PCDH15: variants seen among roughly 807,000 people sequenced by gnomAD.
PCDH15 encodes the protein protocadherin-15.
A neutral mutation model predicts 178.5 loss-of-function variants in PCDH15; 129 were observed. The ratio of observed to expected loss-of-function variants is 0.72; its 90% CI spans 0.63 to 0.84. The LOEUF (loss-of-function observed/expected upper bound fraction) is 0.84. Ranked by LOEUF, PCDH15 falls within the 40% of genes least tolerant of loss-of-function variation. The pLI is 0.00. For synonymous variants in PCDH15, 800 were observed against 732.0 expected, an observed-to-expected ratio of 1.09 and a Z score of -1.50; for missense variants, 2,230 against 2,099.9, an observed-to-expected ratio of 1.06 and a Z score of -1.21.
At chr10:54,644,327 T>C (rs1178833792) in intron 2 of PCDH15, among the ~76,000 whole-genome samples, 8 of 149,796 alleles carry the variant, frequency 5.3e-5, no homozygotes, top group African/African-American at 2.0e-4. Flanking sequence ...CCTACAATCA[T>C]AGACTGGGTT....
intron 1 of PCDH15, among the ~76,000 whole-genome samples, chr10:55,264,682 T>C (rs1278894219): frequency 6.6e-6 from 1 of 152,062 alleles, no homozygotes; most frequent in Non-Finnish European, 1.5e-5. Context: ...TCCTCCGGAG[T>C]GTGTCCTGAA....
At chr10:55,573,178 G>C (rs2132111952) in intron 2 of PCDH15, among the ~76,000 whole-genome samples, 1 of 152,168 alleles carries the variant, frequency 6.6e-6, no homozygotes, top group Admixed American at 6.6e-5. Context: ...TTCTTTGTAA[G>C]TGAAAAGGAG....
intron 2 of PCDH15, among the ~76,000 whole-genome samples, chr10:55,548,248 AC>A (rs1455582819): frequency 1.3e-5 from 2 of 150,292 alleles, no homozygotes; most frequent in African/African-American, 2.5e-5. Flanking sequence ...ACACACACAC[AC>A]ACACAAACAT....
At chr10:55,329,438 A>G (rs1233219612) in intron 2 of PCDH15, among the ~76,000 whole-genome samples, 1 of 151,744 alleles carries the variant, frequency 6.6e-6, no homozygotes, top group African/African-American at 2.4e-5. Context: ...GTCCTCAATA[A>G]TTTTAAGAGA....
intron 2 of PCDH15, among the ~76,000 whole-genome samples, chr10:54,638,296 TACAATCTAGTAAAC>T (rs951985703): frequency 1.3e-5 from 2 of 152,098 alleles, no homozygotes; most frequent in Non-Finnish European, 2.9e-5. Context: ...TTTATTTGAT[TACAATCTAGTAAAC>T]AAGTTAAAGA....
chr10:54,107,297 A>T (rs1377521184), intron 15 of PCDH15, among the ~76,000 whole-genome samples: 1 of 152,184 alleles, frequency 6.6e-6, no homozygotes, highest in Non-Finnish European at 1.5e-5. Flanking sequence ...TAGTGTCATA[A>T]ATATATGTAT....
At chr10:55,182,883 A>G (rs1210036469) in intron 1 of PCDH15, among the ~76,000 whole-genome samples, 1 of 151,940 alleles carries the variant, frequency 6.6e-6, no homozygotes, top group Non-Finnish European at 1.5e-5. Context: ...AAAGAAACTG[A>G]AGGATATTTA....
chr10:53,888,282 C>CTATATATATATATATATATATATATA lies in PCDH15; in HGVS notation c.3501+14960_3501+14961insTATATATATATATATATATATATATA, dbSNP rs201647527. Among the ~76,000 whole-genome samples the CTATATATATATATATATATATATATA allele has an allele frequency of 2.6e-4, 25 of 95,376 alleles. 3 individuals carry two copies. Among genetic ancestry groups the CTATATATATATATATATATATATATA allele is most frequent in the African/African-American group, 1.5e-3 (23 of 15,676 alleles). 62.6% of individuals were successfully genotyped at this position (95,376 alleles called of 152,430 possible). A position where few individuals can be genotyped will look rare whatever the true frequency, so the allele number is the denominator to read the frequency against. ...TTGGATACAAATAAACATTCCAACACTATATATACATATATATATATATAT... is the reference window on the plus strand; with the variant it reads ...TTGGATACAAATAAACATTCCAACACTATATATATATATATATATATATATATATATATACATATATATATATATAT... On this transcript the variant is annotated intron_variant, in intron 26 of 37. Transcript: ENST00000644397.
At chr10:54,887,349 T>G (rs558616967) in intron 3 of PCDH15, among the ~76,000 whole-genome samples, 33 of 152,284 alleles carry the variant, frequency 2.2e-4, no homozygotes, top group Admixed American at 1.1e-3. Flanking sequence ...TTTATAGTGT[T>G]TATTTTGTAT....
chr10:53,925,874 A>T (rs1293765949), intron 25 of PCDH15, among the ~76,000 whole-genome samples: 1 of 151,960 alleles, frequency 6.6e-6, no homozygotes, highest in African/African-American at 2.4e-5. Context: ...ATTATTTTAC[A>T]TTTGTACCAC....
At position 54,058,698 on chromosome 10, in the gene PCDH15, C is replaced by CT. The variant is rs58250372; in HGVS notation, c.2220+8058dup. ...AACATATTTCTTTCTTTCTTTCTTT[C>CT]TTTTTTTTTTTTTAGACCAAGTTTT... On this transcript the variant is annotated intron_variant, in intron 18 of 37. Transcript: ENST00000644397. 2.0e-4 allele frequency among the ~76,000 whole-genome samples: 27 copies of CT among 133,392 alleles called. 1 individual carries two copies. Among genetic ancestry groups the CT allele is most frequent in the Middle Eastern group, 3.6e-3 (1 of 276 alleles). 87.5% of individuals were successfully genotyped at this position (133,392 alleles called of 152,430 possible).
chr10:54,142,745 C>A (rs1412298086), intron 14 of PCDH15, among the ~76,000 whole-genome samples: 1 of 151,604 alleles, frequency 6.6e-6, no homozygotes, highest in Non-Finnish European at 1.5e-5. Flanking sequence ...ATATACCATA[C>A]AAAGATACAA....
At chr10:55,376,724 G>C (rs1382870499) in intron 2 of PCDH15, among the ~76,000 whole-genome samples, 1 of 151,934 alleles carries the variant, frequency 6.6e-6, no homozygotes, top group Non-Finnish European at 1.5e-5. Flanking sequence ...GTTGTTCTTG[G>C]AGAGTCAATA....
chr10:55,612,015 G>A (rs565763757), intron 2 of PCDH15, among the ~76,000 whole-genome samples: 2 of 152,038 alleles, frequency 1.3e-5, no homozygotes, highest in Non-Finnish European at 2.9e-5. Context: ...ACCAGAGGCT[G>A]GAGGAGGCGG....
chr10:55,181,185 C>A (rs947186929), intron 1 of PCDH15, among the ~76,000 whole-genome samples: 3 of 152,124 alleles, frequency 2.0e-5, no homozygotes, highest in East Asian at 3.9e-4. Flanking sequence ...TGAAAATGAA[C>A]AAATACAGTC....
intron 1 of PCDH15, among the ~76,000 whole-genome samples, chr10:54,732,583 G>C (rs1337951884): frequency 1.3e-5 from 2 of 151,398 alleles, no homozygotes; most frequent in African/African-American, 4.8e-5. Context: ...TGTCTGGATG[G>C]ACTCACTGGG....
intron 25 of PCDH15, among the ~76,000 whole-genome samples, chr10:53,926,439 G>A (rs1454096351): frequency 6.6e-6 from 1 of 152,264 alleles, no homozygotes; most frequent in East Asian, 1.9e-4. Flanking sequence ...ACAAAAATAT[G>A]TATTATTAAA....
chr10:55,230,353 A>C (rs564569335), intron 1 of PCDH15, among the ~76,000 whole-genome samples: 1 of 152,152 alleles, frequency 6.6e-6, no homozygotes, highest in Admixed American at 6.5e-5. Flanking sequence ...AAATCTCAGC[A>C]CTCAGGCTGG....
intron 2 of PCDH15, among the ~76,000 whole-genome samples, chr10:54,982,842 T>C (rs1375760333): frequency 6.6e-6 from 1 of 152,146 alleles, no homozygotes; most frequent in Admixed American, 6.6e-5. Flanking sequence ...CTAGCAAATA[T>C]TAATAATTAT....
Sources: gnomAD v4.1 joint callset for allele counts (sites outside exome capture counted in the v4.1 genomes callset) on GRCh38, gnomAD v4.1.1 for gene constraint, MANE v1.5 for transcripts, NCBI Gene and HGNC (gene_info 2026-07-23, HGNC 2026-07-21) for gene names.